SFI1: variants seen among roughly 807,000 people sequenced by gnomAD.
The protein encoded by SFI1 is SFI1 centrin binding protein.
In SFI1, 195 loss-of-function variants were observed where a neutral mutation model predicts 207.5. The observed-to-expected ratio is 0.94, with a 90% CI of 0.84 to 1.06. The LOEUF (loss-of-function observed/expected upper bound fraction) is 1.06. Among genes scored for constraint, SFI1 ranks in the 50% least tolerant of loss-of-function variants. The pLI is 0.00. For missense variants in SFI1, 1,634 were observed against 1,588.0 expected, an observed-to-expected ratio of 1.03 and a Z score of -0.49; for synonymous variants, 630 against 598.9, an observed-to-expected ratio of 1.05 and a Z score of -0.76.
intron 8 of SFI1, among the ~76,000 whole-genome samples, chr22:31,564,875 G>A (rs1248311661): frequency 7.3e-6 from 1 of 137,100 alleles, no homozygotes; most frequent in African/African-American, 2.8e-5. Context: ...GTGCAGTATC[G>A]CGATGTTGGC....
intron 30 of SFI1, 57 bp from the exon 31 acceptor site, chr22:31,616,943 T>C: frequency 6.2e-7 from 1 of 1,613,298 alleles, no homozygotes; most frequent in Admixed American, 1.7e-5. Flanking sequence ...GACTTGCTAT[T>C]TACCCTGGTC....
At chr22:31,553,745 T>C (rs1182966510) in intron 6 of SFI1, among the ~76,000 whole-genome samples, 1 of 151,262 alleles carries the variant, frequency 6.6e-6, no homozygotes, top group Non-Finnish European at 1.5e-5. Context: ...TCCTAGTCTG[T>C]GACTTGTCTT....
chr22:31,605,131 G>A, intron 20 of SFI1, 186 bp downstream of exon 20: 1 of 546,406 alleles, frequency 1.8e-6, no homozygotes. Context: ...AGCCCCTGCT[G>A]TGTGCAGGGC....
intron 15 of SFI1, among the ~76,000 whole-genome samples, chr22:31,590,314 C>T (rs62237806): frequency 0.056 from 8,496 of 152,106 alleles, 220 homozygotes; most frequent in Non-Finnish European, 0.065. Context: ...AGAGAAGTCA[C>T]AGAATCAGAC....
At chr22:31,611,434 T>G in intron 23 of SFI1, 131 bp downstream of exon 23, 1 of 1,206,722 alleles carries the variant, frequency 8.3e-7, no homozygotes, top group Non-Finnish European at 1.1e-6. Flanking sequence ...GTGGGTGGTT[T>G]GGGGTCCTGT....
chr22:31,501,192 G>C (rs1440107776), intron 1 of SFI1, among the ~76,000 whole-genome samples: 1 of 147,092 alleles, frequency 6.8e-6, no homozygotes, highest in Non-Finnish European at 1.5e-5. Context: ...TTTTTTTTGA[G>C]ACGGAGTGTA....
At chr22:31,616,967 T>G (rs746734346) in intron 30 of SFI1, 33 bp from the exon 31 acceptor site, 1 of 1,613,732 alleles carries the variant, frequency 6.2e-7, no homozygotes. Context: ...GAGGGGAAAA[T>G]AGTCTGAAAC....
intron 4 of SFI1, among the ~76,000 whole-genome samples, chr22:31,533,900 G>A (rs1210248004): frequency 6.6e-6 from 1 of 151,976 alleles, no homozygotes; most frequent in Non-Finnish European, 1.5e-5. Context: ...GTTATATTCT[G>A]TTTTACTCTT....
At chr22:31,568,194 T>TTGTG (rs1556026695) in intron 8 of SFI1, among the ~76,000 whole-genome samples, 4,239 of 92,470 alleles carry the variant, frequency 0.046, 119 homozygotes, top group Non-Finnish European at 0.063. Flanking sequence ...TGTGTGTGTG[T>TTGTG]TGTGTGTGTG....
Position 31,539,591 on chromosome 22 carries a change from G to T in SFI1, c.339-7270G>T, listed in dbSNP as rs189874095. On this transcript the variant is annotated intron_variant, in intron 4 of 32. Transcript: ENST00000400288. ...TAAGATTTTTATCTGCTTACACTGTGTTTCTTCTAAGATCCTTTTTTCTTT... is the reference window on the plus strand; with the variant it reads ...TAAGATTTTTATCTGCTTACACTGTTTTTCTTCTAAGATCCTTTTTTCTTT... 1.8e-3 allele frequency among the ~76,000 whole-genome samples: 270 copies of T among 152,080 alleles called. 1 individual carries two copies. Among genetic ancestry groups the T allele is most frequent in the African/African-American group, 5.4e-3 (223 of 41,516 alleles).
chr22:31,606,300 T>G (rs1361571531), intron 20 of SFI1, 28 bp from the exon 21 acceptor site: 3 of 1,602,650 alleles, frequency 1.9e-6, no homozygotes, highest in African/African-American at 1.3e-5. Context: ...TGGTGTCATC[T>G]GCCTTCCTCG....
intron 24 of SFI1, chr22:31,612,046 C>A: frequency 7.3e-7 from 1 of 1,367,848 alleles, no homozygotes; most frequent in Non-Finnish European, 9.5e-7. Flanking sequence ...ACAGTTACTT[C>A]AAGGCCAGTT....
chr22:31,553,767 A>C (rs1443240320), intron 6 of SFI1, among the ~76,000 whole-genome samples: 1 of 145,020 alleles, frequency 6.9e-6, no homozygotes, highest in African/African-American at 2.6e-5. Flanking sequence ...TCATTCTCTT[A>C]ACAGTATCTT....
chr22:31,616,822 ACTC>A lies in SFI1; in HGVS notation c.3381_3383del (p.Leu1128del). ...TGGCCAGTGTCCCTGACCCCCATCT[ACTC>A]CTTCCTGGGGACTTCTCAGCCACCA... On this transcript the variant is annotated inframe_deletion, in exon 30 of 33. Coordinates refer to ENST00000400288, the MANE Select transcript of SFI1 (RefSeq NM_001007467.3). 1 of 1,610,824 alleles carries A rather than the reference ACTC, an allele frequency of 6.2e-7. No homozygotes were observed. The highest frequency in any genetic ancestry group is 8.5e-7 in the Non-Finnish European group (1 of 1,178,866).
At position 31,578,380 on chromosome 22, in the gene SFI1, AG is replaced by A; in HGVS notation, c.1085-1del. 1 of 1,612,828 alleles carries A rather than the reference AG, an allele frequency of 6.2e-7. No homozygotes were observed. The highest frequency in any genetic ancestry group is 2.2e-5 in the East Asian group (1 of 44,860). ...GGACTGGAGGCCTTCACTTCCTGGC[AG>A]ACATGCTGCTGTGTGCAGAAGAAGC... On this transcript the variant is annotated splice_acceptor_variant, in intron 10 of 32. Coordinates refer to ENST00000400288, the MANE Select transcript of SFI1 (RefSeq NM_001007467.3). LOFTEE classifies it high-confidence loss of function.
rs774253145 is a variant in SFI1, at chr22:31,618,158, C to T, written c.3556C>T (p.Leu1186=). The change falls in exon 32 of 33, where the codon CTG becomes TTG. Residue 1186 remains leucine, a synonymous_variant. Coordinates refer to ENST00000400288, the MANE Select transcript of SFI1 (RefSeq NM_001007467.3). ...QASSLRRWLE[L]NREEPGPEDQ... ...GAGCAGCCTGCGCAGGTGGCTGGAGCTGAACAGAGAGGAGCCGGGGCCTGA... is the reference window on the plus strand; with the variant it reads ...GAGCAGCCTGCGCAGGTGGCTGGAGTTGAACAGAGAGGAGCCGGGGCCTGA... The T allele has an allele frequency of 1.9e-6, 3 of 1,591,494 alleles. No individual in the cohort carries two copies. The highest frequency in any genetic ancestry group is 1.1e-5 in the South Asian group (1 of 87,170).
intron 15 of SFI1, among the ~76,000 whole-genome samples, chr22:31,599,361 G>A (rs1480138241): frequency 6.7e-6 from 1 of 149,384 alleles, no homozygotes; most frequent in Non-Finnish European, 1.5e-5. Context: ...TCGCTCTATT[G>A]CCAGGCTGGA....
intron 1 of SFI1, among the ~76,000 whole-genome samples, chr22:31,499,560 A>C (rs534598245): frequency 1.4e-4 from 22 of 152,300 alleles, no homozygotes; most frequent in Non-Finnish European, 2.2e-4. Context: ...GTATTACATA[A>C]ACTTAGTTGA....
At chr22:31,519,144 C>T (rs1371677152) in intron 2 of SFI1, among the ~76,000 whole-genome samples, 1 of 152,034 alleles carries the variant, frequency 6.6e-6, no homozygotes, top group Admixed American at 6.6e-5. Context: ...AATACAACTA[C>T]AGTCATGCTT....
Sources: allele counts gnomAD v4.1 joint callset (sites outside exome capture counted in the v4.1 genomes callset), GRCh38; gene constraint gnomAD v4.1.1; transcripts MANE v1.5; gene names NCBI Gene and HGNC (gene_info 2026-07-23, HGNC 2026-07-21).